Variants in TNR observed in about 807,000 individuals in gnomAD.
TNR encodes the protein tenascin-R.
In TNR, 45 loss-of-function variants were observed where a neutral mutation model predicts 150.4. The observed-to-expected ratio is 0.30, with a 90% CI of 0.24 to 0.38. The LOEUF is 0.38. Ranked by LOEUF, TNR falls within the 10% of genes least tolerant of loss-of-function variation. The pLI is 1.00. For missense variants in TNR, 1,544 were observed against 1,759.1 expected, an observed-to-expected ratio of 0.88 and a Z score of 2.19; for synonymous variants, 687 against 678.4, an observed-to-expected ratio of 1.01 and a Z score of -0.20.
intron 1 of TNR, among the ~76,000 whole-genome samples, chr1:175,627,798 C>T (rs1463475795): frequency 6.6e-6 from 1 of 151,868 alleles, no homozygotes; most frequent in Non-Finnish European, 1.5e-5. Context: ...TCTTTGGAAA[C>T]ACAACTTTTC....
intron 1 of TNR, among the ~76,000 whole-genome samples, chr1:175,728,277 T>C (rs879857390): frequency 6.6e-6 from 1 of 152,188 alleles, no homozygotes; most frequent in East Asian, 1.9e-4. Flanking sequence ...GTTGGAATAC[T>C]AGAGCCAGAA....
At chr1:175,529,864 A>G (rs1272771911) in intron 1 of TNR, among the ~76,000 whole-genome samples, 3 of 152,230 alleles carry the variant, frequency 2.0e-5, no homozygotes, top group African/African-American at 4.8e-5. Flanking sequence ...ATCAAAAGTC[A>G]TGAAAAAAAT....
chr1:175,482,302 A>T (rs1331414343), intron 2 of TNR, among the ~76,000 whole-genome samples: 1 of 152,234 alleles, frequency 6.6e-6, no homozygotes, highest in Non-Finnish European at 1.5e-5. Flanking sequence ...GGAAAGTGAA[A>T]AAAATGAAAA....
At chr1:175,718,591 C>T (rs1012290227) in intron 1 of TNR, among the ~76,000 whole-genome samples, 4 of 152,228 alleles carry the variant, frequency 2.6e-5, no homozygotes, top group Admixed American at 6.5e-5. Flanking sequence ...GGCAAAGCCA[C>T]AGAGACTTTT....
chr1:175,680,645 A>T (rs1226917687), intron 1 of TNR, among the ~76,000 whole-genome samples: 3 of 152,132 alleles, frequency 2.0e-5, no homozygotes, highest in Non-Finnish European at 2.9e-5. Context: ...CAGAGCCTCA[A>T]GGGGTCAGAA....
chr1:175,596,023 C>G (rs1343868604), intron 1 of TNR, among the ~76,000 whole-genome samples: 2 of 152,096 alleles, frequency 1.3e-5, no homozygotes, highest in African/African-American at 4.8e-5. Flanking sequence ...TTCTAAGACT[C>G]TATTGGTCTA....
chr1:175,710,267 A>C (rs946121676), intron 1 of TNR, among the ~76,000 whole-genome samples: 1 of 152,052 alleles, frequency 6.6e-6, no homozygotes, highest in Non-Finnish European at 1.5e-5. Flanking sequence ...GTGCGTAGAC[A>C]TGGGAAGGGA....
At chr1:175,643,557 T>G (rs537509014) in intron 1 of TNR, among the ~76,000 whole-genome samples, 1 of 152,298 alleles carries the variant, frequency 6.6e-6, no homozygotes, top group Middle Eastern at 3.4e-3. Context: ...GCTGTTATTA[T>G]TATAGGAAGG....
At chr1:175,543,476 G>C (rs1382824231) in intron 1 of TNR, among the ~76,000 whole-genome samples, 3 of 152,314 alleles carry the variant, frequency 2.0e-5, no homozygotes, top group African/African-American at 7.2e-5. Context: ...AGCAGCCAGA[G>C]CCAGAGAGCA....
intron 1 of TNR, among the ~76,000 whole-genome samples, chr1:175,674,782 AT>A (rs1264593908): frequency 6.6e-6 from 1 of 152,132 alleles, no homozygotes; most frequent in African/African-American, 2.4e-5. Context: ...CCTCTTATGC[AT>A]CCCTTGACAG....
intron 1 of TNR, among the ~76,000 whole-genome samples, chr1:175,731,257 A>G (rs964586533): frequency 6.6e-6 from 1 of 152,196 alleles, no homozygotes; most frequent in African/African-American, 2.4e-5. Context: ...GGTTCAACTG[A>G]AAAGTGCGAG....
At chr1:175,502,611 C>T (rs1658784255) in intron 2 of TNR, among the ~76,000 whole-genome samples, 1 of 152,118 alleles carries the variant, frequency 6.6e-6, no homozygotes, top group South Asian at 2.1e-4. Context: ...GGCCCATCTC[C>T]CAAAAGTTCT....
Position 175,511,490 on chromosome 1 carries a change from A to G in TNR, c.-64+16779T>C, listed in dbSNP as rs1296722385. Among the ~76,000 whole-genome samples, 4 of 152,220 alleles carry G rather than the reference A, an allele frequency of 2.6e-5. No individual in the cohort carries two copies. In the South Asian group the frequency reaches 6.2e-4, roughly 24 times the overall value. On this transcript the variant is annotated intron_variant, in intron 2 of 22. Transcript: ENST00000367674. ...ATTGTGAAGTCTAAGGTTTTATTGT[A>G]CTGCAATTAGAATAAACATTCATGA...
chr1:175,657,853 G>GTATGTATATATATATATATA (rs1665231476), intron 1 of TNR, among the ~76,000 whole-genome samples: 6 of 70,460 alleles, frequency 8.5e-5, no homozygotes, highest in Admixed American at 1.5e-4. Flanking sequence ...CATGGAACAT[G>GTATGTATATATATATATATA]TATATATATA....
intron 13 of TNR, among the ~76,000 whole-genome samples, chr1:175,363,249 G>A (rs1285971975): frequency 6.6e-6 from 1 of 152,170 alleles, no homozygotes; most frequent in Non-Finnish European, 1.5e-5. Flanking sequence ...TGAGGTCTGG[G>A]CCAGTTTCCT....
chr1:175,620,882 A>T (rs961463274), intron 1 of TNR, among the ~76,000 whole-genome samples: 3 of 152,086 alleles, frequency 2.0e-5, no homozygotes, highest in African/African-American at 7.2e-5. Context: ...AACTTGCTTT[A>T]TAAGCTCGGT....
chr1:175,693,026 A>G (rs1666416782), intron 1 of TNR, among the ~76,000 whole-genome samples: 1 of 152,228 alleles, frequency 6.6e-6, no homozygotes, highest in Non-Finnish European at 1.5e-5. Flanking sequence ...GAAAACAGAC[A>G]CAGACCTCTG....
At chr1:175,595,646 G>A (rs548708170) in intron 1 of TNR, among the ~76,000 whole-genome samples, 78 of 152,266 alleles carry the variant, frequency 5.1e-4, no homozygotes, top group African/African-American at 1.8e-3. Flanking sequence ...TAAGTCTATA[G>A]TAGACCCACT....
chr1:175,385,990 CT>C (rs778899549), intron 8 of TNR, 41 bp downstream of exon 8: 53 of 1,527,600 alleles, frequency 3.5e-5, no homozygotes, highest in Non-Finnish European at 4.7e-5. Flanking sequence ...GGCTCCACCC[CT>C]CTTTCCCTCC....
Sources: allele counts gnomAD v4.1 joint callset (sites outside exome capture counted in the v4.1 genomes callset), GRCh38; gene constraint gnomAD v4.1.1; transcripts MANE v1.5; gene names NCBI Gene and HGNC (gene_info 2026-07-23, HGNC 2026-07-21).